The following RTN4 variants were observed in gnomAD, a reference collection of about 807,000 sequenced individuals.
RTN4 encodes the protein reticulon 4, also known as reticulon-4.
RTN4 carries 32 observed loss-of-function variants against 90.4 expected under a neutral mutation model. That is an observed-to-expected ratio of 0.35 (90% CI 0.27 to 0.48). The LOEUF is 0.48. Ranked by LOEUF, RTN4 falls within the 20% of genes least tolerant of loss-of-function variation. The probability of loss-of-function intolerance (pLI) is 0.99; values close to 1 mark genes in which losing one functional copy is unlikely to be tolerated. For synonymous variants in RTN4, 629 were observed against 552.5 expected (o/e 1.14, Z -1.94); for missense variants, 1,706 against 1,430.2 (o/e 1.19, Z -3.11).
rs1017997719 is a variant in RTN4 at position 55,026,022 on chromosome 2, G to A, written c.2077C>T (p.Pro693Ser). ...INAALQETEAPYISIACDLIK... is the reference protein window; with the variant it reads ...INAALQETEASYISIACDLIK... Reference sequence around the variant, plus strand: ...AAATCACATGCAATAGATATATAAGGAGCTTCTGTTTCTTGAAGAGCTGCA... The same window carrying A: ...AAATCACATGCAATAGATATATAAGAAGCTTCTGTTTCTTGAAGAGCTGCA... The change falls in exon 3 of 9, where the codon CCT (proline) becomes TCT (serine). Residue 693 changes from proline (P) to serine (S), a missense_variant. Coordinates refer to ENST00000337526, the MANE Select transcript of RTN4 (RefSeq NM_020532.5). The A allele has an allele frequency of 6.2e-7, 1 of 1,611,838 alleles. No individual in the cohort carries two copies.
At chr2:54,997,678 C>G (rs945095728) in intron 3 of RTN4, among the ~76,000 whole-genome samples, 2 of 152,064 alleles carry the variant, frequency 1.3e-5, no homozygotes, top group Admixed American at 1.3e-4. Flanking sequence ...GGCCATAAAA[C>G]GAAATGAAGT....
chr2:55,102,291 C>G (rs1667866131), intron 1 of RTN4, among the ~76,000 whole-genome samples: 1 of 152,070 alleles, frequency 6.6e-6, no homozygotes, highest in African/African-American at 2.4e-5. Flanking sequence ...ATATAAACTA[C>G]TACTTTAGGC....
upstream of RTN4, among the ~76,000 whole-genome samples, chr2:55,116,938 A>T (rs1407977134): frequency 3.4e-5 from 5 of 148,816 alleles, no homozygotes; most frequent in African/African-American, 1.2e-4. Context: ...CAGTGGTGCA[A>T]TCTTGGCTGT....
chr2:55,062,142 C>G (rs1038863264), intron 2 of RTN4, among the ~76,000 whole-genome samples: 2 of 151,896 alleles, frequency 1.3e-5, no homozygotes, highest in Non-Finnish European at 2.9e-5. Context: ...AGCCCGACTT[C>G]CAGCGGAAAA....
chr2:55,054,552 C>G (rs1026634969), upstream of RTN4, among the ~76,000 whole-genome samples: 2 of 152,038 alleles, frequency 1.3e-5, no homozygotes, highest in South Asian at 4.1e-4. Flanking sequence ...GTTAATTGTC[C>G]TTGAATTATG....
At chr2:55,019,172 A>G (rs762436216) in intron 3 of RTN4, among the ~76,000 whole-genome samples, 2 of 152,244 alleles carry the variant, frequency 1.3e-5, no homozygotes, top group Non-Finnish European at 2.9e-5. Context: ...ATCCATACTG[A>G]TAATTAATTA....
At position 54,987,581 on chromosome 2, in the gene RTN4, G is replaced by A. The variant is rs200372740; in HGVS notation, c.3131C>T (p.Ala1044Val). 9.3e-6 allele frequency: 15 copies of A among 1,614,044 alleles called. No homozygotes were observed. The highest frequency in any genetic ancestry group is 5.5e-5 in the South Asian group (5 of 91,086). The stretch of plus-strand genomic sequence containing the variant: ...GATGGTCACAGAGAGCAGGGCCAAG[G>A]CAATGTAGGCTGTTACGCTCACAAT... ...FSIVSVTAYI[A>V]LALLSVTISF... Residue 1044 changes from alanine to valine, a missense_variant, in exon 4 of 9, where the codon GCC (alanine) becomes GTC (valine). Physicochemically the swap from Ala to Val is moderately conservative, Grantham distance 64. Transcript: ENST00000337526.
At chr2:55,075,025 G>T (rs1233091709) in intron 2 of RTN4, among the ~76,000 whole-genome samples, 1 of 152,200 alleles carries the variant, frequency 6.6e-6, no homozygotes, top group Non-Finnish European at 1.5e-5. Flanking sequence ...AACAAGACAA[G>T]GATGCCCTCT....
rs1558748285 is a variant in RTN4, at chr2:54,973,784, G to GGGAGTGA, written c.3477+36_3477+37insTCACTCC. On this transcript the variant is annotated intron_variant, in intron 7 of 8. Coordinates refer to ENST00000337526, the MANE Select transcript of RTN4 (RefSeq NM_020532.5). Reference sequence around the variant, plus strand: ...GTAAATCCCATGTAATAGAGTGAGTGCTCTATTCTGAAGTCAGCAGTTAGT... The same window carrying GGGAGTGA: ...GTAAATCCCATGTAATAGAGTGAGTGGGAGTGACTCTATTCTGAAGTCAGCAGTTAGT... 9.6e-6 allele frequency: 15 copies of GGGAGTGA among 1,569,860 alleles called. No individual in the cohort carries two copies. The Admixed American group carries it at 1.0e-4, about 11-fold the overall frequency.
chr2:54,993,836 C>G (rs1679214640), intron 3 of RTN4, among the ~76,000 whole-genome samples: 3 of 151,990 alleles, frequency 2.0e-5, no homozygotes, highest in South Asian at 2.1e-4. Context: ...TGAATATATC[C>G]TAGAATAGGA....
intron 3 of RTN4, among the ~76,000 whole-genome samples, chr2:55,017,139 T>TAACTACTTATCATAATAAAGTCC (rs1681101156): frequency 6.6e-6 from 1 of 152,166 alleles, no homozygotes; most frequent in Non-Finnish European, 1.5e-5. Flanking sequence ...CAGTTAAGAT[T>TAACTACTTATCATAATAAAGTCC]AACTACTTAT....
At chr2:55,079,848 G>A (rs1668676344) in intron 2 of RTN4, among the ~76,000 whole-genome samples, 1 of 152,182 alleles carries the variant, frequency 6.6e-6, no homozygotes, top group Non-Finnish European at 1.5e-5. Flanking sequence ...GTGGTTAAGA[G>A]CACAGACTCC....
At position 55,084,183 on chromosome 2, in the gene RTN4, G is replaced by A. The variant is rs182696636; in HGVS notation, c.-213-3544C>T. Among the ~76,000 whole-genome samples, 3 of 152,226 alleles carry A rather than the reference G, an allele frequency of 2.0e-5. No individual in the cohort carries two copies. The East Asian group carries it at 5.8e-4, about 29-fold the overall frequency. On this transcript the variant is annotated intron_variant, in intron 1 of 3. Transcript: ENST00000427710. The stretch of plus-strand genomic sequence containing the variant: ...ACTACGGGGTTCAGAGAGCTTCCGG[G>A]TTGCTGAAATCATGGAAGGTGGCAT...
intron 1 of RTN4, among the ~76,000 whole-genome samples, chr2:55,047,887 A>C (rs1010764288): frequency 3.3e-5 from 5 of 152,332 alleles, no homozygotes; most frequent in East Asian, 1.9e-4. Flanking sequence ...TGAATGAAAG[A>C]ACTTGAAAAC....
chr2:55,136,500 G>C, the RTN4 span, among the ~76,000 whole-genome samples: 2 of 152,260 alleles, frequency 1.3e-5, no homozygotes, highest in African/African-American at 4.8e-5. Flanking sequence ...TTGTTCCTGC[G>C]CTAAAACTTT....
chr2:55,057,683 A>G (rs1274837733), intron 2 of RTN4, among the ~76,000 whole-genome samples: 2 of 152,296 alleles, frequency 1.3e-5, no homozygotes, highest in East Asian at 3.9e-4. Context: ...CGAAAAGAGG[A>G]TGGGTACTAA....
intron 2 of RTN4, 95 bp from the exon 3 acceptor site, chr2:55,027,580 C>G: frequency 1.6e-6 from 2 of 1,256,314 alleles, no homozygotes; most frequent in Non-Finnish European, 2.2e-6. Flanking sequence ...TTAGTAAAGA[C>G]TTACTGTTTA....
intron 3 of RTN4, among the ~76,000 whole-genome samples, chr2:55,017,384 C>T (rs1316469947): frequency 6.6e-6 from 1 of 152,112 alleles, no homozygotes; most frequent in Non-Finnish European, 1.5e-5. Context: ...AAGCTAATTT[C>T]GTACTATTTA....
At position 54,978,367 on chromosome 2, in the gene RTN4, T is replaced by C. The variant is rs185654669; in HGVS notation, c.3361-3603A>G. On this transcript the variant is annotated intron_variant, in intron 5 of 8. Coordinates refer to ENST00000337526, the MANE Select transcript of RTN4 (RefSeq NM_020532.5). ...ATCACTTGAACCTGGAAGGCAAAGG[T>C]TGCAGTGAGCCTAAGATCGCACCAC... Among the ~76,000 whole-genome samples, 233 of 149,648 alleles carry C rather than the reference T, an allele frequency of 1.6e-3. 1 individual carries two copies. The highest frequency in any genetic ancestry group is 3.5e-3 in the Middle Eastern group (1 of 288).
Sources: allele counts gnomAD v4.1 joint callset (sites outside exome capture counted in the v4.1 genomes callset), GRCh38; gene constraint gnomAD v4.1.1; transcripts MANE v1.5; gene names NCBI Gene and HGNC (gene_info 2026-07-23, HGNC 2026-07-21).